Variants in CYP2U1 observed in about 807,000 individuals in gnomAD.
CYP2U1 encodes the protein cytochrome P450 family 2 subfamily U member 1.
A neutral mutation model predicts 42.8 loss-of-function variants in CYP2U1; 28 were observed. That is an observed-to-expected ratio of 0.65 (90% confidence interval 0.48 to 0.90). CYP2U1 has a LOEUF of 0.90. Among genes scored for constraint, CYP2U1 ranks in the 40% least tolerant of loss-of-function variants. The pLI is 0.00. For missense variants in CYP2U1, 642 were observed against 693.8 expected, an observed-to-expected ratio of 0.93 and a Z score of 0.84; for synonymous variants, 296 against 278.9, an observed-to-expected ratio of 1.06 and a Z score of -0.61.
At chr4:107,942,920 T>C (rs775308734) in intron 1 of CYP2U1, among the ~76,000 whole-genome samples, 1 of 152,312 alleles carries the variant, frequency 6.6e-6, no homozygotes, top group African/African-American at 2.4e-5. Flanking sequence ...AATCAAAGGA[T>C]TGATAAATCC....
intron 1 of CYP2U1, chr4:107,938,350 A>G (rs2126194499): frequency 6.6e-6 from 1 of 152,368 alleles, no homozygotes; most frequent in South Asian, 2.1e-4. Flanking sequence ...AAGCCATAAA[A>G]TAAATTTAAG....
chr4:107,932,059 C>T lies in CYP2U1; in HGVS notation c.416C>T (p.Ala139Val), dbSNP rs770108230. The change falls in exon 1 of 5, where the codon GCG (alanine) becomes GTG (valine). Residue 139 changes from alanine (A) to valine (V), a missense_variant. Ala to Val is a moderately conservative substitution (Grantham distance 64). Transcript: ENST00000332884. ...AGCGACTTCCACAGCGTGCGCGAGGCGCTGGTGCAGCAGGCCGAGGTCTTC... is the reference window on the plus strand; with the variant it reads ...AGCGACTTCCACAGCGTGCGCGAGGTGCTGGTGCAGCAGGCCGAGGTCTTC... Reference protein sequence around the residue: ...VLSDFHSVREALVQQAEVFSD... With the variant: ...VLSDFHSVREVLVQQAEVFSD... The T allele has an allele frequency of 2.5e-6, 4 of 1,586,292 alleles. No individual in the cohort carries two copies. Among genetic ancestry groups the T allele is most frequent in the Non-Finnish European group, 1.7e-6 (2 of 1,167,192 alleles).
chr4:107,932,464 C>T (rs1384188884), intron 1 of CYP2U1, among the ~76,000 whole-genome samples: 2 of 152,352 alleles, frequency 1.3e-5, no homozygotes, highest in African/African-American at 4.8e-5. Flanking sequence ...TTCCCTTCCA[C>T]CAGCTGTGAC....
intron 2 of CYP2U1, 49 bp from the exon 3 acceptor site, chr4:107,947,327 G>A (rs771166113): frequency 2.9e-5 from 45 of 1,577,738 alleles, no homozygotes; most frequent in Middle Eastern, 1.7e-4. Context: ...GGGCACGTTC[G>A]ACTCTGTCCC....
Position 107,945,455 on chromosome 4 carries a change from G to C in CYP2U1, c.976G>C (p.Glu326Gln). The C allele has an allele frequency of 6.2e-7, 1 of 1,614,092 alleles. No individual in the cohort carries two copies. Among genetic ancestry groups the C allele is most frequent in the Non-Finnish European group, 8.5e-7 (1 of 1,180,004 alleles). The change falls in exon 2 of 5, where the codon GAA becomes CAA. Residue 326 changes from glutamate to glutamine, a missense_variant. Coordinates refer to ENST00000332884, the MANE Select transcript of CYP2U1 (RefSeq NM_183075.3). Reference sequence around the variant, plus strand: ...CATAGACATGTACCTTCTCCACATGGAAGAGGAGAGGAAAAATAATAGTAA... The same window carrying C: ...CATAGACATGTACCTTCTCCACATGCAAGAGGAGAGGAAAAATAATAGTAA... Reference protein sequence around the residue: ...DFIDMYLLHMEEERKNNSNSS... With the variant: ...DFIDMYLLHMQEERKNNSNSS...
In CYP2U1 at chr4:107,949,427, T is replaced by G. The variant is rs1733831901; in HGVS notation, c.1366T>G (p.Trp456Gly). The change falls in exon 4 of 5, where the codon TGG becomes GGG. Residue 456 changes from tryptophan to glycine, a missense_variant. Physicochemically the swap from Trp to Gly is radical, Grantham distance 184. Coordinates refer to ENST00000332884, the MANE Select transcript of CYP2U1 (RefSeq NM_183075.3). The part of the protein sequence containing the change: ...LWSVHRDPAI[W>G]EKPEDFYPNR... The stretch of plus-strand genomic sequence containing the variant: ...GTCAGTACATAGAGACCCAGCCATT[T>G]GGGAGAAACCGGAGGATTTCTACCC... 1 of 1,611,922 alleles carries G rather than the reference T, an allele frequency of 6.2e-7. No individual in the cohort carries two copies. The highest frequency in any genetic ancestry group is 1.3e-5 in the African/African-American group (1 of 74,854).
At chr4:107,947,673 T>C (rs1229473732) in intron 3 of CYP2U1, 136 bp downstream of exon 3, 1 of 845,254 alleles carries the variant, frequency 1.2e-6, no homozygotes, top group Middle Eastern at 3.6e-4. Flanking sequence ...TCATATGTAA[T>C]AAAATGTCTA....
At chr4:107,936,046 ATT>A (rs2126192608) in intron 1 of CYP2U1, 1 of 152,302 alleles carries the variant, frequency 6.6e-6, no homozygotes, top group Non-Finnish European at 1.5e-5. Flanking sequence ...GAATGTAGGA[ATT>A]TTATTTTTTA....
chr4:107,938,205 T>C (rs973610651), intron 1 of CYP2U1: 1 of 152,228 alleles, frequency 6.6e-6, no homozygotes, highest in Non-Finnish European at 1.5e-5. Flanking sequence ...TGACCAAAAG[T>C]AGACTGATCA....
rs760309229 is a variant in CYP2U1 at position 107,932,084 on chromosome 4, C to T, written c.441C>T (p.Phe147=). ...CGCTGGTGCAGCAGGCCGAGGTCTT[C>T]AGCGACCGCCCGCGGGTGCCGCTCA... ...REALVQQAEV[F]SDRPRVPLIS... The change falls in exon 1 of 5, where the codon TTC becomes TTT. Residue 147 remains phenylalanine, a synonymous_variant. Coordinates refer to ENST00000332884, the MANE Select transcript of CYP2U1 (RefSeq NM_183075.3). 4 of 1,596,158 alleles carry T rather than the reference C, an allele frequency of 2.5e-6. No individual in the cohort carries two copies. Among genetic ancestry groups the T allele is most frequent in the Non-Finnish European group, 2.6e-6 (3 of 1,172,392 alleles).
At chr4:107,936,656 G>A (rs1355932462) in intron 1 of CYP2U1, 1 of 152,180 alleles carries the variant, frequency 6.6e-6, no homozygotes, top group East Asian at 1.9e-4. Context: ...GGTAAGACAT[G>A]TGATCTGTTT....
At chr4:107,949,036 C>T (rs189904808) in intron 3 of CYP2U1, among the ~76,000 whole-genome samples, 53 of 152,176 alleles carry the variant, frequency 3.5e-4, no homozygotes, top group Admixed American at 9.2e-4. Context: ...TTTTAGGGAA[C>T]GTTTACTTGA....
rs939823812 is a variant in CYP2U1, at chr4:107,936,874, A to G, written c.490+4741A>G. ...TAACTAGCTTTTGCTATTTAAAATA[A>G]CCGTATTATGCAGTATTCCACTAAA... On this transcript the variant is annotated intron_variant, in intron 1 of 4. Transcript: ENST00000332884. Among the ~76,000 whole-genome samples, 2 of 152,234 alleles carry G rather than the reference A, an allele frequency of 1.3e-5. 1 individual carries two copies. The highest frequency in any genetic ancestry group is 3.8e-4 in the East Asian group (2 of 5,206).
At chr4:107,948,496 G>A (rs563765996) in intron 3 of CYP2U1, among the ~76,000 whole-genome samples, 1 of 152,136 alleles carries the variant, frequency 6.6e-6, no homozygotes, top group African/African-American at 2.4e-5. Context: ...GAACCCGGGA[G>A]GCAGAGGTTG....
At chr4:107,949,274 T>C in intron 3 of CYP2U1, 76 bp from the exon 4 acceptor site, 2 of 1,333,060 alleles carry the variant, frequency 1.5e-6, no homozygotes. Flanking sequence ...ACATTTTTTT[T>C]TCAGATAATG....
In CYP2U1 at chr4:107,945,069, C is replaced by A; in HGVS notation, c.590C>A (p.Pro197His). Residue 197 changes from proline (P) to histidine (H), a missense_variant, in exon 2 of 5, where the codon CCC becomes CAC. By Grantham distance (77) the Pro-to-His change is moderately conservative. Transcript: ENST00000332884. ...GGGTTGGGAAAACTTAGCTTGGAGC[C>A]CAAGATTATTGAGGAGTTCAAATAT... The part of the protein sequence containing the change: ...HFGLGKLSLE[P>H]KIIEEFKYVK... 6.2e-7 allele frequency: 1 copy of A among 1,613,240 alleles called. No individual in the cohort carries two copies. Among genetic ancestry groups the A allele is most frequent in the Non-Finnish European group, 8.5e-7 (1 of 1,179,854 alleles).
At chr4:107,932,622 G>A (rs1197438113) in intron 1 of CYP2U1, among the ~76,000 whole-genome samples, 1 of 152,152 alleles carries the variant, frequency 6.6e-6, no homozygotes, top group African/African-American at 2.4e-5. Context: ...CCAAATCTCC[G>A]GCTTTGGTTC....
rs1248376095 is a variant in CYP2U1, at chr4:107,949,399, G to A, written c.1338G>A (p.Leu446=). The A allele has an allele frequency of 1.9e-6, 3 of 1,600,678 alleles. No individual in the cohort carries two copies. The East Asian group carries it at 6.7e-5, about 36-fold the overall frequency. The change falls in exon 4 of 5, where the codon CTG becomes CTA. Residue 446 remains leucine, a synonymous_variant. Coordinates refer to ENST00000332884, the MANE Select transcript of CYP2U1 (RefSeq NM_183075.3). ...IPKGTLILPN[L]WSVHRDPAIW... ...AAGGCACATTGATCTTACCCAACCT[G>A]TGGTCAGTACATAGAGACCCAGCCA...
chr4:107,940,052 TATAC>T (rs1401999196), intron 1 of CYP2U1: 1 of 152,024 alleles, frequency 6.6e-6, no homozygotes. Context: ...GTGGCAACTA[TATAC>T]TTGACGCTGC....
Sources: gnomAD v4.1 joint callset for allele counts (sites outside exome capture counted in the v4.1 genomes callset) on GRCh38, gnomAD v4.1.1 for gene constraint, MANE v1.5 for transcripts, NCBI Gene and HGNC (gene_info 2026-07-23, HGNC 2026-07-21) for gene names.